Variants in RASGRF2 observed in about 807,000 individuals in gnomAD.
The protein encoded by RASGRF2 is ras-specific guanine nucleotide-releasing factor 2.
Under a neutral mutation model 151.0 loss-of-function variants are expected in RASGRF2, and 76 were observed. The observed-to-expected ratio is 0.50, with a 90% CI of 0.42 to 0.61. The LOEUF is 0.61. Ranked by LOEUF, RASGRF2 falls within the 20% of genes least tolerant of loss-of-function variation. The pLI, the probability that RASGRF2 is intolerant of heterozygous loss-of-function variation, is 0.00. For missense variants in RASGRF2, 1,148 were observed against 1,564.6 expected, an observed-to-expected ratio of 0.73 and a Z score of 4.49; for synonymous variants, 504 against 566.5, an observed-to-expected ratio of 0.89 and a Z score of 1.57.
chr5:81,037,090 A>G (rs1397936586), intron 1 of RASGRF2, among the ~76,000 whole-genome samples: 1 of 152,146 alleles, frequency 6.6e-6, no homozygotes, highest in African/African-American at 2.4e-5. Context: ...TCCCATTTAC[A>G]AAACTATCAG....
rs532875901 is a variant in RASGRF2, at chr5:81,216,750, C to A, written c.3435-606C>A. On this transcript the variant is annotated intron_variant, in intron 24 of 26. Coordinates refer to ENST00000265080, the MANE Select transcript of RASGRF2 (RefSeq NM_006909.3). ...TGGTCAAGCTGGGATTTGAACCCAG[C>A]TCCTCCCGCATCAAAAGCCCATGTG... 2.0e-5 allele frequency among the ~76,000 whole-genome samples: 3 copies of A among 152,332 alleles called. No individual in the cohort carries two copies. The South Asian group carries it at 6.2e-4, about 32-fold the overall frequency.
rs1456112344 is a variant in RASGRF2, at chr5:81,228,807, A to C, written c.*3037A>C. ...TCACTTTTCCTTAGTGCTTTTCTGAAGGAATTTAAAGACGGAATTTTAAAC... is the reference window on the plus strand; with the variant it reads ...TCACTTTTCCTTAGTGCTTTTCTGACGGAATTTAAAGACGGAATTTTAAAC... On this transcript the variant is annotated 3_prime_UTR_variant, in exon 27 of 27. Coordinates refer to ENST00000265080, the MANE Select transcript of RASGRF2 (RefSeq NM_006909.3). 6.6e-6 allele frequency: 1 copy of C among 152,236 alleles called. No homozygotes were observed. Among genetic ancestry groups the C allele is most frequent in the Admixed American group, 6.5e-5 (1 of 15,290 alleles). 9.4% of individuals were successfully genotyped at this position (152,236 alleles called of 1,614,324 possible).
chr5:81,083,753 C>T (rs17277408), intron 7 of RASGRF2, among the ~76,000 whole-genome samples: 14,307 of 152,220 alleles, frequency 0.094, 910 homozygotes, highest in Non-Finnish European at 0.14. Context: ...ATTGGTAAGC[C>T]AATCGTGAAA....
chr5:81,179,385 G>T (rs1465528554), intron 17 of RASGRF2, among the ~76,000 whole-genome samples: 1 of 152,228 alleles, frequency 6.6e-6, no homozygotes, highest in Admixed American at 6.5e-5. Flanking sequence ...CATGAGGAAT[G>T]TGGGAAACCG....
chr5:81,060,741 A>C (rs490501), intron 2 of RASGRF2, among the ~76,000 whole-genome samples: 1 of 152,230 alleles, frequency 6.6e-6, no homozygotes, highest in South Asian at 2.1e-4. Context: ...GCATGAAGTA[A>C]ATAACTACCA....
In RASGRF2 at chr5:81,160,587, G is replaced by A. The variant is rs1057364357; in HGVS notation, c.2687-19588G>A. The stretch of plus-strand genomic sequence containing the variant: ...CTCAGGAGGCTGAGGCAGGGGAATC[G>A]CTTGAACCTGGGAGGCGGAGGTTGC... On this transcript the variant is annotated intron_variant, in intron 17 of 26. Transcript: ENST00000265080. Among the ~76,000 whole-genome samples, 9 of 151,736 alleles carry A rather than the reference G, an allele frequency of 5.9e-5. No individual in the cohort carries two copies. In the South Asian group the frequency reaches 6.3e-4, roughly 11 times the overall value.
At chr5:81,066,403 G>T (rs1020987697) in intron 2 of RASGRF2, among the ~76,000 whole-genome samples, 1 of 152,152 alleles carries the variant, frequency 6.6e-6, no homozygotes, top group Non-Finnish European at 1.5e-5. Flanking sequence ...AGTGTCTTAA[G>T]ACTTTTAGTT....
intron 18 of RASGRF2, among the ~76,000 whole-genome samples, chr5:81,190,688 C>T (rs1445595026): frequency 6.6e-6 from 1 of 152,006 alleles, no homozygotes; most frequent in East Asian, 1.9e-4. Context: ...AACTATTTAC[C>T]AAAGTTTTTT....
chr5:81,140,116 A>G (rs1753848961), intron 17 of RASGRF2, among the ~76,000 whole-genome samples: 1 of 152,138 alleles, frequency 6.6e-6, no homozygotes, highest in African/African-American at 2.4e-5. Context: ...AGTGTTAGCC[A>G]CTGTGCCTGG....
chr5:81,113,955 C>CA, intron 15 of RASGRF2, 35 bp downstream of exon 15: 11 of 1,576,542 alleles, frequency 7.0e-6, no homozygotes, highest in Non-Finnish European at 9.5e-6. Context: ...TTACACCCCA[C>CA]ATTTGCTGGC....
At chr5:81,045,070 G>T (rs1750795096) in intron 2 of RASGRF2, among the ~76,000 whole-genome samples, 1 of 152,130 alleles carries the variant, frequency 6.6e-6, no homozygotes, top group Non-Finnish European at 1.5e-5. Context: ...CTCTCTGTTT[G>T]AGGGTTTTGA....
At chr5:81,042,461 A>T (rs1391208684) in intron 1 of RASGRF2, among the ~76,000 whole-genome samples, 5 of 152,252 alleles carry the variant, frequency 3.3e-5, no homozygotes. Context: ...TGGAGAATAG[A>T]TATAGAATAG....
intron 9 of RASGRF2, among the ~76,000 whole-genome samples, chr5:81,092,422 T>C (rs748605803): frequency 2.6e-5 from 4 of 152,206 alleles, no homozygotes; most frequent in Non-Finnish European, 5.9e-5. Flanking sequence ...TTTGTTATCA[T>C]ATTATTCTAT....
chr5:81,189,195 C>T (rs1330851969), intron 18 of RASGRF2, among the ~76,000 whole-genome samples: 4 of 152,114 alleles, frequency 2.6e-5, no homozygotes, highest in Admixed American at 1.3e-4. Flanking sequence ...CAGAGCTGCC[C>T]GCGGTGAAGG....
chr5:81,134,633 T>C (rs573163226), intron 17 of RASGRF2, among the ~76,000 whole-genome samples: 1 of 152,332 alleles, frequency 6.6e-6, no homozygotes, highest in African/African-American at 2.4e-5. Flanking sequence ...ATACTAAAGT[T>C]TGAGAAGCAG....
At chr5:81,090,924 T>C (rs1387039058) in intron 9 of RASGRF2, among the ~76,000 whole-genome samples, 1 of 152,188 alleles carries the variant, frequency 6.6e-6, no homozygotes, top group Admixed American at 6.5e-5. Flanking sequence ...CCCAGAGCTA[T>C]TTGTCCACCA....
chr5:81,194,347 ACT>A (rs1344457283), intron 18 of RASGRF2, among the ~76,000 whole-genome samples: 1 of 150,894 alleles, frequency 6.6e-6, no homozygotes, highest in Non-Finnish European at 1.5e-5. Flanking sequence ...ACAGAGTGAG[ACT>A]CTGTCTCAAA....
intron 2 of RASGRF2, among the ~76,000 whole-genome samples, chr5:81,046,822 C>T (rs965729816): frequency 1.4e-4 from 22 of 152,122 alleles, no homozygotes; most frequent in Non-Finnish European, 2.8e-4. Context: ...TTCAATGTTT[C>T]ATCTGCTAGA....
chr5:81,125,316 C>T (rs1255602130), intron 16 of RASGRF2, among the ~76,000 whole-genome samples: 2 of 152,298 alleles, frequency 1.3e-5, no homozygotes, highest in Admixed American at 1.3e-4. Context: ...TTGCCATGAG[C>T]TCTGAGAGCA....
Sources: allele counts gnomAD v4.1 joint callset (sites outside exome capture counted in the v4.1 genomes callset), GRCh38; gene constraint gnomAD v4.1.1; transcripts MANE v1.5; gene names NCBI Gene and HGNC (gene_info 2026-07-23, HGNC 2026-07-21).